Variants in ABCC3 observed in about 807,000 individuals in gnomAD.
The protein encoded by ABCC3 is ATP binding cassette subfamily C member 3, also known as ATP-binding cassette sub-family C member 3.
Under a neutral mutation model 165.3 loss-of-function variants are expected in ABCC3, and 121 were observed. The ratio of observed to expected loss-of-function variants is 0.73; its 90% CI spans 0.63 to 0.85. The LOEUF (loss-of-function observed/expected upper bound fraction) is 0.85. Among genes scored for constraint, ABCC3 ranks in the 40% least tolerant of loss-of-function variants. ABCC3 has a pLI of 0.00. For missense variants in ABCC3, 1,869 were observed against 1,964.1 expected (o/e 0.95, Z 0.92); for synonymous variants, 733 against 810.1 (o/e 0.90, Z 1.62).
chr17:50,638,163 G>A (rs542924724), intron 1 of ABCC3, among the ~76,000 whole-genome samples: 1 of 152,338 alleles, frequency 6.6e-6, no homozygotes, highest in African/African-American at 2.4e-5. Flanking sequence ...GAGGCCAGAG[G>A]TGCCTCAGAA....
Position 50,676,441 on chromosome 17 carries a change from T to C in ABCC3, c.3231T>C (p.Tyr1077=), listed in dbSNP as rs754028332. 4.7e-5 allele frequency: 76 copies of C among 1,614,102 alleles called. No individual in the cohort carries two copies. The highest frequency in any genetic ancestry group is 5.9e-5 in the Non-Finnish European group (70 of 1,180,034). ...RILNCFSKDI[Y]VVDEVLAPVI... ...TGAACTGCTTCTCCAAGGACATCTA[T>C]GTCGTTGATGAGGTTCTGGCCCCTG... The change falls in exon 23 of 31, where the codon TAT becomes TAC. Residue 1077 remains tyrosine (Y), a synonymous_variant. Coordinates refer to ENST00000285238, the MANE Select transcript of ABCC3 (RefSeq NM_003786.4).
In ABCC3 at chr17:50,673,118, G is replaced by A; in HGVS notation, c.2389G>A (p.Glu797Lys). Residue 797 changes from glutamate (E) to lysine (K), a missense_variant, in exon 18 of 31, where the codon GAA (glutamate) becomes AAA (lysine). Transcript: ENST00000285238. ...KHIFDHVIGP[E>K]GVLAGKTRVL... is the part of the protein sequence containing the mutation. Reference sequence around the variant, plus strand: ...CATCTTTGACCACGTCATCGGGCCAGAAGGCGTGCTGGCAGGCAAGGTGAG... The same window carrying A: ...CATCTTTGACCACGTCATCGGGCCAAAAGGCGTGCTGGCAGGCAAGGTGAG... The A allele has an allele frequency of 6.2e-7, 1 of 1,614,080 alleles. No individual in the cohort carries two copies. Among genetic ancestry groups the A allele is most frequent in the Non-Finnish European group, 8.5e-7 (1 of 1,180,052 alleles).
chr17:50,664,512 G>A (rs1042262140), intron 10 of ABCC3: 14 of 224,694 alleles, frequency 6.2e-5, no homozygotes, highest in Admixed American at 5.8e-4. Flanking sequence ...AGACCAGCCC[G>A]GCCAGGATGG....
At chr17:50,682,419 CA>C (rs1967944921) in intron 26 of ABCC3, among the ~76,000 whole-genome samples, 1 of 150,668 alleles carries the variant, frequency 6.6e-6, no homozygotes, top group Non-Finnish European at 1.5e-5. Context: ...GCATCTTAAT[CA>C]GAGTTAAAAA....
chr17:50,656,725 C>T lies in ABCC3; in HGVS notation c.246C>T (p.Cys82=), dbSNP rs201652430. 2.9e-5 allele frequency: 47 copies of T among 1,613,574 alleles called. No homozygotes were observed. The highest frequency in any genetic ancestry group is 6.7e-5 in the East Asian group (3 of 44,858). Residue 82 remains cysteine (C), a synonymous_variant, in exon 3 of 31, where the codon TGC becomes TGT. Transcript: ENST00000285238. ...AGGTCCTGGGTGTCCTGCTGTGGTG[C>T]GTCTCCTGGGCGGACCTTTTTTACT... is the stretch of plus-strand genomic sequence containing the variant. ...LKMVLGVLLW[C]VSWADLFYSF...
chr17:50,635,858 G>A (rs1006193140), intron 1 of ABCC3: 6 of 410,144 alleles, frequency 1.5e-5, no homozygotes, highest in Non-Finnish European at 2.6e-5. Flanking sequence ...ACTGTGGCCT[G>A]GGCGAAAGAG....
rs1487530052 is a variant in ABCC3 at position 50,668,889 on chromosome 17, G to A, written c.1907G>A (p.Trp636Ter). The A allele has an allele frequency of 6.2e-7, 1 of 1,613,950 alleles. No individual in the cohort carries two copies. The highest frequency in any genetic ancestry group is 8.5e-7 in the Non-Finnish European group (1 of 1,179,938). Residue 636 changes from tryptophan to a stop codon, truncating the protein, a stop_gained, in exon 15 of 31, where the codon TGG (tryptophan) becomes TAG (stop). Transcript: ENST00000285238. LOFTEE classifies it high-confidence loss of function. ...AITIHSGTFT[W>*]AQDLPPTLHS... Reference sequence around the variant, plus strand: ...ACCATACACAGTGGCACCTTCACCTGGGCCCAGGACCTGCCCCCCACTCTG... The same window carrying A: ...ACCATACACAGTGGCACCTTCACCTAGGCCCAGGACCTGCCCCCCACTCTG...
intron 3 of ABCC3, 69 bp from the exon 4 acceptor site, chr17:50,656,977 G>C: frequency 6.4e-7 from 1 of 1,570,146 alleles, no homozygotes; most frequent in Non-Finnish European, 8.6e-7. Context: ...GGCCATGTGG[G>C]ATGGGGAGAA....
chr17:50,675,645 TG>T lies in ABCC3; in HGVS notation c.2730del (p.Ser911ProfsTer24). 6.4e-7 allele frequency: 1 copy of T among 1,569,236 alleles called. No individual in the cohort carries two copies. The highest frequency in any genetic ancestry group is 8.6e-7 in the Non-Finnish European group (1 of 1,157,140). On this transcript the variant is annotated frameshift_variant, in exon 21 of 31. Transcript: ENST00000285238. LOFTEE classifies it high-confidence loss of function. ...TGCCTCCACAGACAGCTGAGTGCCCTGTCCTCAGATGGGGAGGGACAGGGTC... is the reference window on the plus strand; with the variant it reads ...TGCCTCCACAGACAGCTGAGTGCCCTTCCTCAGATGGGGAGGGACAGGGTC... ...QKQFMRQLSA[L>X]SSDGEGQGRP...
chr17:50,676,886 TGGG>T (rs3063105), intron 23 of ABCC3, among the ~76,000 whole-genome samples: 59,148 of 113,414 alleles, frequency 0.52, 12,042 homozygotes, highest in Middle Eastern at 0.64. Context: ...TTTTTTTTTT[TGGG>T]GGGGGGGGGA....
At position 50,647,590 on chromosome 17, in the gene ABCC3, A is replaced by G. The variant is rs114645848; in HGVS notation, c.46-8242A>G. ...GGTCTGAACTTGGGAGCTAGGGCCC[A>G]TGTCCACAGGGTGAACTGGAAGGAA... On this transcript the variant is annotated intron_variant, in intron 1 of 30. Coordinates refer to ENST00000285238, the MANE Select transcript of ABCC3 (RefSeq NM_003786.4). 6.3e-3 allele frequency among the ~76,000 whole-genome samples: 962 copies of G among 152,360 alleles called. 11 individuals are homozygous for G. Among genetic ancestry groups the G allele is most frequent in the African/African-American group, 0.022 (901 of 41,588 alleles).
intron 23 of ABCC3, among the ~76,000 whole-genome samples, chr17:50,676,884 TTTG>T (rs932493033): frequency 2.6e-5 from 1 of 38,540 alleles, no homozygotes; most frequent in African/African-American, 1.1e-4. Flanking sequence ...GCTTTTTTTT[TTTG>T]GGGGGGGGGG....
chr17:50,647,588 C>G (rs1967026165), intron 1 of ABCC3, among the ~76,000 whole-genome samples: 2 of 152,110 alleles, frequency 1.3e-5, no homozygotes, highest in Admixed American at 6.6e-5. Flanking sequence ...GAGCTAGGGC[C>G]CATGTCCACA....
intron 1 of ABCC3, among the ~76,000 whole-genome samples, chr17:50,642,726 G>T (rs1966915588): frequency 6.6e-6 from 1 of 152,170 alleles, no homozygotes; most frequent in African/African-American, 2.4e-5. Flanking sequence ...ATCGGGGTTG[G>T]GTTCTTCCTG....
chr17:50,676,678 G>C (rs1967821888), intron 23 of ABCC3, 90 bp downstream of exon 23: 2 of 1,204,424 alleles, frequency 1.7e-6, no homozygotes, highest in East Asian at 2.4e-5. Flanking sequence ...GACACTTCAG[G>C]CCACCAACAT....
At chr17:50,660,093 TG>T (rs1224199159) in intron 7 of ABCC3, among the ~76,000 whole-genome samples, 1 of 152,164 alleles carries the variant, frequency 6.6e-6, no homozygotes, top group Non-Finnish European at 1.5e-5. Flanking sequence ...TGGAGCCGGC[TG>T]GCCCCAGAGG....
intron 19 of ABCC3, 132 bp from the exon 20 acceptor site, chr17:50,675,230 C>T: frequency 1.7e-6 from 1 of 582,624 alleles, no homozygotes; most frequent in Admixed American, 3.4e-5. Context: ...TCTTGTTGCC[C>T]TTTCAATCCC....
intron 1 of ABCC3, among the ~76,000 whole-genome samples, chr17:50,651,629 G>A (rs1597843047): frequency 6.6e-6 from 1 of 152,196 alleles, no homozygotes; most frequent in African/African-American, 2.4e-5. Flanking sequence ...CGGGGCTGAG[G>A]CGGGAGGATT....
intron 1 of ABCC3, among the ~76,000 whole-genome samples, chr17:50,648,787 T>A (rs919394801): frequency 6.6e-6 from 1 of 152,130 alleles, no homozygotes; most frequent in African/African-American, 2.4e-5. Context: ...CTCTTTAGTG[T>A]CTTACTCCAA....
Sources: gnomAD v4.1 joint callset for allele counts (sites outside exome capture counted in the v4.1 genomes callset) on GRCh38, gnomAD v4.1.1 for gene constraint, MANE v1.5 for transcripts, NCBI Gene and HGNC (gene_info 2026-07-23, HGNC 2026-07-21) for gene names.